Variants in ANTXR2 observed in about 807,000 individuals in gnomAD.
ANTXR2 encodes ANTXR cell adhesion molecule 2, also known as anthrax toxin receptor 2.
A neutral mutation model predicts 73.7 loss-of-function variants in ANTXR2; 44 were observed. The observed-to-expected ratio is 0.60, with a 90% CI of 0.47 to 0.77. ANTXR2 has a LOEUF of 0.77. ANTXR2 is among the 30% of genes least tolerant of loss of function. The probability of loss-of-function intolerance (pLI) is 0.00; values close to 1 mark genes in which losing one functional copy is unlikely to be tolerated. For synonymous variants in ANTXR2, 217 were observed against 205.9 expected (o/e 1.05, Z -0.46); for missense variants, 604 against 592.5 (o/e 1.02, Z -0.20).
At chr4:80,072,033 G>C (rs1330260558) in intron 1 of ANTXR2, among the ~76,000 whole-genome samples, 1 of 152,184 alleles carries the variant, frequency 6.6e-6, no homozygotes, top group Admixed American at 6.5e-5. Flanking sequence ...GCTATGATTA[G>C]GATAAAACCA....
At chr4:80,051,343 T>G (rs900054599) in intron 7 of ANTXR2, among the ~76,000 whole-genome samples, 1 of 151,718 alleles carries the variant, frequency 6.6e-6, no homozygotes, top group Admixed American at 6.6e-5. Flanking sequence ...TTCAAGCCCC[T>G]TTAGAGAGAA....
At chr4:79,912,740 C>A (rs1038585197) in intron 16 of ANTXR2, among the ~76,000 whole-genome samples, 1 of 151,806 alleles carries the variant, frequency 6.6e-6, no homozygotes, top group Admixed American at 6.6e-5. Context: ...TTATAGTAGT[C>A]AAAAATATAC....
At chr4:79,923,860 G>A (rs918228287) in intron 16 of ANTXR2, among the ~76,000 whole-genome samples, 2 of 152,104 alleles carry the variant, frequency 1.3e-5, no homozygotes, top group East Asian at 3.9e-4. Flanking sequence ...GTCTCTATGT[G>A]TGTTGATACA....
chr4:79,976,036 G>C (rs570906040), intron 16 of ANTXR2, among the ~76,000 whole-genome samples: 2 of 150,350 alleles, frequency 1.3e-5, no homozygotes, highest in Middle Eastern at 3.4e-3. Context: ...CCTCAGCCTC[G>C]CGAGTAGCTG....
At chr4:80,011,327 T>TGTCTATC (rs1560986463) in intron 11 of ANTXR2, among the ~76,000 whole-genome samples, 3 of 150,886 alleles carry the variant, frequency 2.0e-5, no homozygotes, top group African/African-American at 7.4e-5. Flanking sequence ...GTCTATCATC[T>TGTCTATC]ATCTATCTAT....
At chr4:79,991,942 C>G (rs1730489429) in intron 12 of ANTXR2, among the ~76,000 whole-genome samples, 1 of 151,856 alleles carries the variant, frequency 6.6e-6, no homozygotes. Context: ...GAACAATAGA[C>G]ATCAGGGCCT....
intron 7 of ANTXR2, among the ~76,000 whole-genome samples, chr4:80,052,400 A>G (rs1304976186): frequency 3.3e-5 from 5 of 151,702 alleles, no homozygotes; most frequent in African/African-American, 9.7e-5. Flanking sequence ...GAAAGTTTAC[A>G]TTGCCTTTAA....
At chr4:79,925,693 G>GA (rs1344652976) in intron 16 of ANTXR2, among the ~76,000 whole-genome samples, 2 of 152,006 alleles carry the variant, frequency 1.3e-5, no homozygotes, top group Non-Finnish European at 2.9e-5. Context: ...ATCTTATTGA[G>GA]TGACATTAAA....
chr4:79,992,630 T>C (rs1326507655), intron 12 of ANTXR2, among the ~76,000 whole-genome samples: 3 of 151,900 alleles, frequency 2.0e-5, no homozygotes, highest in South Asian at 4.1e-4. Flanking sequence ...TAAAACAAAA[T>C]AAAGTTAAGT....
intron 12 of ANTXR2, among the ~76,000 whole-genome samples, chr4:79,996,318 T>TATGGATGGATGGATGGATGG (rs141810972): frequency 6.7e-6 from 1 of 148,760 alleles, no homozygotes; most frequent in Non-Finnish European, 1.5e-5. Context: ...CGGATGGATA[T>TATGGATGGATGGATGGATGG]ATGGATGGAT....
rs1218737676 is a variant in ANTXR2, at chr4:79,902,557, C to T, written c.*4872G>A. ...ATATGTTTTTAAGACACTTGCTAAC[C>T]CTATGAAACCAGAGTGAAGTACATG... is the stretch of plus-strand genomic sequence containing the variant. On this transcript the variant is annotated 3_prime_UTR_variant, in exon 17 of 17. Transcript: ENST00000403729. The T allele has an allele frequency of 6.6e-6, 1 of 152,018 alleles. No homozygotes were observed. Among genetic ancestry groups the T allele is most frequent in the Non-Finnish European group, 1.5e-5 (1 of 67,994 alleles). The allele number at this position is 152,018 out of a possible 1,614,324, so 9.4% of individuals were successfully genotyped here.
At chr4:80,038,571 G>T (rs1248025403) in intron 7 of ANTXR2, among the ~76,000 whole-genome samples, 1 of 152,026 alleles carries the variant, frequency 6.6e-6, no homozygotes. Context: ...GTTAAATTAA[G>T]CAGAGATTAA....
intron 7 of ANTXR2, among the ~76,000 whole-genome samples, chr4:80,052,787 AT>A (rs1199428466): frequency 6.6e-6 from 1 of 151,678 alleles, no homozygotes; most frequent in Non-Finnish European, 1.5e-5. Flanking sequence ...TAGAAGTTAC[AT>A]TCTAGAGGTT....
intron 16 of ANTXR2, among the ~76,000 whole-genome samples, chr4:79,974,157 T>G (rs1399169965): frequency 1.3e-5 from 2 of 152,220 alleles, no homozygotes; most frequent in Non-Finnish European, 2.9e-5. Context: ...GAAGTGTCCA[T>G]CTGTGAGAAA....
At chr4:80,012,014 A>G (rs1292193122) in intron 11 of ANTXR2, among the ~76,000 whole-genome samples, 5 of 152,250 alleles carry the variant, frequency 3.3e-5, no homozygotes, top group Non-Finnish European at 7.3e-5. Flanking sequence ...AATCAGGGTG[A>G]CTGCTGCCCT....
intron 11 of ANTXR2, among the ~76,000 whole-genome samples, chr4:80,012,967 C>A (rs1047789758): frequency 6.6e-6 from 1 of 152,118 alleles, no homozygotes; most frequent in Non-Finnish European, 1.5e-5. Context: ...CTAAATGAAG[C>A]CATAAAGGAT....
intron 16 of ANTXR2, among the ~76,000 whole-genome samples, chr4:79,973,706 G>C (rs1282634733): frequency 6.6e-6 from 1 of 152,148 alleles, no homozygotes; most frequent in Non-Finnish European, 1.5e-5. Flanking sequence ...TGGGATTACA[G>C]GTGTGAGCCA....
intron 3 of ANTXR2, among the ~76,000 whole-genome samples, chr4:80,067,207 C>CAA (rs75413405): frequency 1.5e-5 from 2 of 132,210 alleles, no homozygotes; most frequent in African/African-American, 2.7e-5. Flanking sequence ...CTCTGTCTCA[C>CAA]AAAAAAAAAA....
chr4:79,908,954 G>A (rs980026741), intron 16 of ANTXR2, among the ~76,000 whole-genome samples: 4 of 152,078 alleles, frequency 2.6e-5, no homozygotes, highest in African/African-American at 7.2e-5. Flanking sequence ...TATGTTCCAT[G>A]GTTAGAAATA....
Sources: gnomAD v4.1 joint callset for allele counts (sites outside exome capture counted in the v4.1 genomes callset) on GRCh38, gnomAD v4.1.1 for gene constraint, MANE v1.5 for transcripts, NCBI Gene and HGNC (gene_info 2026-07-23, HGNC 2026-07-21) for gene names.